The following SMAD6 variants were observed in gnomAD, a reference collection of about 807,000 sequenced individuals.
SMAD6 encodes the protein SMAD family member 6.
Under a neutral mutation model 39.4 loss-of-function variants are expected in SMAD6, and 103 were observed. The ratio of observed to expected loss-of-function variants is 2.62; its 90% CI spans 2.23 to 3.08. The LOEUF is 3.08. SMAD6 is among the 30% of genes most tolerant of loss of function. The probability of loss-of-function intolerance (pLI) is 0.00; values close to 1 mark genes in which losing one functional copy is unlikely to be tolerated. For synonymous variants in SMAD6, 445 were observed against 353.3 expected (o/e 1.26, Z -2.91); for missense variants, 1,104 against 742.9 (o/e 1.49, Z -5.65).
chr15:66,773,280 G>C (rs1217553008), intron 3 of SMAD6, among the ~76,000 whole-genome samples: 3 of 152,214 alleles, frequency 2.0e-5, no homozygotes, highest in Non-Finnish European at 2.9e-5. Context: ...CGTTTGGAAA[G>C]AGTTCAGCAG....
chr15:66,704,111 C>G, intron 1 of SMAD6, 36 bp downstream of exon 1: 1 of 1,377,248 alleles, frequency 7.3e-7, no homozygotes, highest in Non-Finnish European at 9.4e-7. Context: ...GGCCCCGGGT[C>G]CCCGTCCCCA....
intron 3 of SMAD6, among the ~76,000 whole-genome samples, chr15:66,729,176 G>C (rs778755085): frequency 2.0e-5 from 3 of 152,120 alleles, no homozygotes; most frequent in Non-Finnish European, 2.9e-5. Context: ...CTGCCCACAC[G>C]GAGGTGGTGG....
At chr15:66,704,142 T>A (rs1893056568) in intron 1 of SMAD6, 67 bp downstream of exon 1, 2 of 1,207,020 alleles carry the variant, frequency 1.7e-6, no homozygotes, top group Admixed American at 7.9e-5. Context: ...TGCCCTTCTC[T>A]CTGTGACACT....
At chr15:66,704,158 T>A (rs1893056880) in intron 1 of SMAD6, 83 bp downstream of exon 1, 1 of 1,119,856 alleles carries the variant, frequency 8.9e-7, no homozygotes, top group African/African-American at 1.6e-5. Flanking sequence ...ACACTGCGGG[T>A]CGGCGCAGCT....
Position 66,781,062 on chromosome 15 carries a change from C to A in SMAD6, c.1018C>A (p.Arg340=). ...HWCSVAYWEH[R]TRVGRLYAVY... Reference sequence around the variant, plus strand: ...GTGCAGCGTGGCGTACTGGGAGCACCGGACGCGCGTGGGCCGCCTCTATGC... The same window carrying A: ...GTGCAGCGTGGCGTACTGGGAGCACAGGACGCGCGTGGGCCGCCTCTATGC... Residue 340 remains arginine, a synonymous_variant, in exon 4 of 4, where the codon CGG becomes AGG. Coordinates refer to ENST00000288840, the MANE Select transcript of SMAD6 (RefSeq NM_005585.5). The A allele has an allele frequency of 6.2e-7, 1 of 1,603,518 alleles. No individual in the cohort carries two copies. The highest frequency in any genetic ancestry group is 8.5e-7 in the Non-Finnish European group (1 of 1,178,374).
chr15:66,725,231 T>G (rs1042836489), intron 3 of SMAD6, among the ~76,000 whole-genome samples: 7 of 152,310 alleles, frequency 4.6e-5, no homozygotes, highest in African/African-American at 1.7e-4. Context: ...GATGCATTGC[T>G]TTCCCAGTTG....
chr15:66,769,662 G>A (rs1022112642), intron 3 of SMAD6, among the ~76,000 whole-genome samples: 1 of 152,154 alleles, frequency 6.6e-6, no homozygotes, highest in African/African-American at 2.4e-5. Context: ...CTAATTGAGG[G>A]CAATTTTTAG....
rs1025318462 is a variant in SMAD6, at chr15:66,702,437, A to AGGGGG, written c.-819_-815dup. 1 of 30,264 alleles carries AGGGGG rather than the reference A, an allele frequency of 3.3e-5. No individual in the cohort carries two copies. Among genetic ancestry groups the AGGGGG allele is most frequent in the Non-Finnish European group, 7.1e-5 (1 of 14,092 alleles). 1.9% of individuals were successfully genotyped at this position (30,264 alleles called of 1,614,324 possible). A position where few individuals can be genotyped will look rare whatever the true frequency, so the allele number is the denominator to read the frequency against. On this transcript the variant is annotated 5_prime_UTR_variant, in exon 1 of 4. An upstream open reading frame in the 5' UTR loses its in-frame stop. Transcript: ENST00000288840. ...CGGGAGGCACTTTTGTGGAGGGGGG[A>AGGGGG]GGGGGGGCGACCTCGGCAGCCTCGG...
chr15:66,755,850 G>A (rs2140653321), intron 3 of SMAD6, among the ~76,000 whole-genome samples: 1 of 152,288 alleles, frequency 6.6e-6, no homozygotes, highest in Admixed American at 6.5e-5. Context: ...TGCCCGAGGT[G>A]AGCAGCAGGG....
intron 3 of SMAD6, among the ~76,000 whole-genome samples, chr15:66,733,975 G>A (rs1025149181): frequency 3.9e-5 from 6 of 152,206 alleles, no homozygotes; most frequent in African/African-American, 1.4e-4. Context: ...GCCTGCAGTT[G>A]CACAGAGGCT....
intron 3 of SMAD6, among the ~76,000 whole-genome samples, chr15:66,728,285 C>A (rs1278922758): frequency 6.6e-6 from 1 of 152,238 alleles, no homozygotes; most frequent in Non-Finnish European, 1.5e-5. Flanking sequence ...TGACTTCTAA[C>A]CCCATCGTGT....
chr15:66,752,744 T>C (rs1377692238), intron 3 of SMAD6, among the ~76,000 whole-genome samples: 1 of 152,160 alleles, frequency 6.6e-6, no homozygotes, highest in East Asian at 1.9e-4. Flanking sequence ...CAGTGAGCTA[T>C]GACTGCATCA....
At chr15:66,707,040 G>A (rs1352385647) in intron 1 of SMAD6, 1 of 152,220 alleles carries the variant, frequency 6.6e-6, no homozygotes, top group Non-Finnish European at 1.5e-5. Context: ...ACCTCTTCTG[G>A]GCATGGGCTA....
chr15:66,770,603 G>GAT lies in SMAD6; in HGVS notation c.953-10394_953-10393insAT, dbSNP rs1369512524. ...AGAAAACAAACAAACACACTCCAGA[G>GAT]TCCGACTTTATGATAAAACAAAAGA... On this transcript the variant is annotated intron_variant, in intron 3 of 3. Coordinates refer to ENST00000288840, the MANE Select transcript of SMAD6 (RefSeq NM_005585.5). Among the ~76,000 whole-genome samples the GAT allele has an allele frequency of 1.1e-4, 16 of 152,228 alleles. No individual in the cohort carries two copies. The East Asian group carries it at 3.1e-3, about 29-fold the overall frequency.
chr15:66,739,842 G>A (rs1893782345), intron 3 of SMAD6, among the ~76,000 whole-genome samples: 1 of 152,118 alleles, frequency 6.6e-6, no homozygotes, highest in South Asian at 2.1e-4. Flanking sequence ...GCCTCGCTTT[G>A]TTGCCCAGGG....
At chr15:66,729,869 T>C (rs958170494) in intron 3 of SMAD6, among the ~76,000 whole-genome samples, 9 of 152,186 alleles carry the variant, frequency 5.9e-5, no homozygotes, top group African/African-American at 2.2e-4. Flanking sequence ...CCAGTCAGCA[T>C]TTCGCTGAGC....
intron 3 of SMAD6, among the ~76,000 whole-genome samples, chr15:66,756,191 G>A (rs1894095420): frequency 1.3e-5 from 2 of 152,090 alleles, no homozygotes; most frequent in Admixed American, 6.5e-5. Flanking sequence ...TTGTGGGTAC[G>A]TGGAAGCTAG....
intron 3 of SMAD6, among the ~76,000 whole-genome samples, chr15:66,763,755 T>A (rs1473122705): frequency 6.6e-6 from 1 of 152,232 alleles, no homozygotes; most frequent in Non-Finnish European, 1.5e-5. Context: ...GTCCTTGGTT[T>A]ACCTACTGCA....
intron 2 of SMAD6, 31 bp downstream of exon 2, chr15:66,711,755 A>C (rs776732667): frequency 6.3e-6 from 10 of 1,582,772 alleles, no homozygotes; most frequent in Non-Finnish European, 8.7e-6. Flanking sequence ...ACCCTTGCAG[A>C]GGTGTGTCCC....
Sources: gnomAD v4.1 joint callset for allele counts (sites outside exome capture counted in the v4.1 genomes callset) on GRCh38, gnomAD v4.1.1 for gene constraint, MANE v1.5 for transcripts, NCBI Gene and HGNC (gene_info 2026-07-23, HGNC 2026-07-21) for gene names.